Variants in RARA observed in about 807,000 individuals in gnomAD.
The protein encoded by RARA is PML-DDX5-RARA fusion.
Under a neutral mutation model 42.8 loss-of-function variants are expected in RARA, and 5 were observed. The ratio of observed to expected loss-of-function variants is 0.12; its 90% CI spans 0.06 to 0.25. The LOEUF is 0.25. Among genes scored for constraint, RARA ranks in the 10% least tolerant of loss-of-function variants. The pLI, the probability that RARA is intolerant of heterozygous loss-of-function variation, is 1.00. For synonymous variants in RARA, 256 were observed against 259.5 expected, an observed-to-expected ratio of 0.99 and a Z score of 0.13; for missense variants, 402 against 628.7, an observed-to-expected ratio of 0.64 and a Z score of 3.86.
In RARA at chr17:40,352,420, G is replaced by A. The variant is rs2143503324; in HGVS notation, c.720G>A (p.Val240=). The A allele has an allele frequency of 6.2e-7, 1 of 1,613,848 alleles. No homozygotes were observed. Among genetic ancestry groups the A allele is most frequent in the Non-Finnish European group, 8.5e-7 (1 of 1,179,860 alleles). ...CCACCAAGTGCATCATTAAGACTGT[G>A]GAGTTCGCCAAGCAGCTGCCCGGCT... ...ELSTKCIIKT[V]EFAKQLPGFT... Residue 240 remains valine (V), a synonymous_variant, in exon 6 of 9, where the codon GTG becomes GTA. Coordinates refer to ENST00000254066, the MANE Select transcript of RARA (RefSeq NM_000964.4). This position sits in a 1 kb window ranked among gnomAD's most constrained non-coding sequence, Gnocchi z 4.9.
chr17:40,341,860 C>G (rs2034060652), intron 2 of RARA: 1 of 1,023,294 alleles, frequency 9.8e-7, no homozygotes, highest in East Asian at 3.3e-5. Flanking sequence ...CGCCCCTCTT[C>G]CGTCCTTGTC....
intron 1 of RARA, among the ~76,000 whole-genome samples, chr17:40,316,750 G>T (rs997912622): frequency 1.3e-5 from 2 of 152,074 alleles, no homozygotes; most frequent in Non-Finnish European, 2.9e-5. Flanking sequence ...TCCACATCTG[G>T]GAGCCATTGG....
At chr17:40,333,142 C>T (rs1008648042) in intron 2 of RARA, among the ~76,000 whole-genome samples, 1 of 152,056 alleles carries the variant, frequency 6.6e-6, no homozygotes, top group Non-Finnish European at 1.5e-5. Context: ...TTCCGCCTTC[C>T]GGAATCAAGC....
chr17:40,319,278 C>A (rs2033301448), intron 1 of RARA, among the ~76,000 whole-genome samples: 1 of 152,108 alleles, frequency 6.6e-6, no homozygotes, highest in East Asian at 1.9e-4. Flanking sequence ...GACAGGCCTC[C>A]AGTGTGCTAG....
At chr17:40,339,490 C>G (rs982767607) in intron 2 of RARA, among the ~76,000 whole-genome samples, 5 of 152,188 alleles carry the variant, frequency 3.3e-5, no homozygotes, top group Admixed American at 6.5e-5. Flanking sequence ...CCCACTGCCC[C>G]AGGACACTGT....
At chr17:40,311,447 A>T (rs1394563455) in intron 1 of RARA, among the ~76,000 whole-genome samples, 2 of 152,072 alleles carry the variant, frequency 1.3e-5, no homozygotes, top group African/African-American at 4.8e-5. Context: ...TGTCAGTGTC[A>T]CTGACTCTGA....
Position 40,354,239 on chromosome 17 carries a change from G to A in RARA, c.808-63G>A, listed in dbSNP as rs2143519524. 1 of 1,515,058 alleles carries A rather than the reference G, an allele frequency of 6.6e-7. No individual in the cohort carries two copies. Among genetic ancestry groups the A allele is most frequent in the Non-Finnish European group, 9.1e-7 (1 of 1,101,310 alleles). The allele number at this position is 1,515,058 out of a possible 1,614,324, so 93.9% of individuals were successfully genotyped here. On this transcript the variant is annotated intron_variant, in intron 6 of 8. Coordinates refer to ENST00000254066, the MANE Select transcript of RARA (RefSeq NM_000964.4). The surrounding 1 kb of genome is among the most constrained non-coding windows in gnomAD (Gnocchi z 4.5). ...TCCGGGAGTGCTGGTGCGGAGTGCT[G>A]GTGCCGAGTGCTCAGAGTGGGTTCG...
intron 4 of RARA, chr17:40,350,212 G>A: frequency 4.9e-6 from 2 of 410,574 alleles, no homozygotes; most frequent in Non-Finnish European, 8.9e-6. Flanking sequence ...GTGTGTGTGT[G>A]CATGCTCCAG....
Position 40,320,400 on chromosome 17 carries a change from C to G in RARA, c.-362-10457C>G, listed in dbSNP as rs1364822395. On this transcript the variant is annotated intron_variant, in intron 1 of 8. Transcript: ENST00000254066. The surrounding 1 kb of genome is among the most constrained non-coding windows in gnomAD (Gnocchi z 4.1). ...GTGCCTCCCCCGCTGGGCACAGTCA[C>G]CCACACATGCCATGACGTGGTTCCT... Among the ~76,000 whole-genome samples, 2 of 152,184 alleles carry G rather than the reference C, an allele frequency of 1.3e-5. No individual in the cohort carries two copies. The highest frequency in any genetic ancestry group is 2.9e-5 in the Non-Finnish European group (2 of 68,026).
chr17:40,317,979 T>A (rs1357492433), intron 1 of RARA, among the ~76,000 whole-genome samples: 4 of 152,192 alleles, frequency 2.6e-5, no homozygotes, highest in African/African-American at 9.6e-5. Context: ...GCTATTTTCA[T>A]TCTTTCCGCA....
intron 1 of RARA, among the ~76,000 whole-genome samples, chr17:40,313,128 A>G (rs540526017): frequency 2.0e-5 from 3 of 152,268 alleles, no homozygotes; most frequent in Non-Finnish European, 4.4e-5. Context: ...GAGCTGCTGG[A>G]CAGGCTCCAG....
intron 2 of RARA, 128 bp from the exon 3 acceptor site, chr17:40,348,188 G>T: frequency 8.1e-7 from 1 of 1,239,390 alleles, no homozygotes; most frequent in South Asian, 1.7e-5. Context: ...GTTTTCTTAA[G>T]ACTTGAATCC....
In RARA at chr17:40,356,478, G is replaced by A. The variant is rs747078113; in HGVS notation, c.*252G>A. ...GGCCAGGAACTGAGTGAGGCCCCTG[G>A]TCCTGGGTCTCAGGATGGGTCCTGG... On this transcript the variant is annotated 3_prime_UTR_variant, in exon 9 of 9. Coordinates refer to ENST00000254066, the MANE Select transcript of RARA (RefSeq NM_000964.4). 4 of 691,952 alleles carry A rather than the reference G, an allele frequency of 5.8e-6. No individual in the cohort carries two copies. The highest frequency in any genetic ancestry group is 1.5e-5 in the South Asian group (1 of 66,642). The allele number at this position is 691,952 out of a possible 1,614,324, so 42.9% of individuals were successfully genotyped here.
At chr17:40,341,745 C>A in intron 2 of RARA, 4 of 1,291,906 alleles carry the variant, frequency 3.1e-6, no homozygotes, top group Non-Finnish European at 3.9e-6. Flanking sequence ...GGACCACCCC[C>A]CTCTTCCCCG....
rs1020773374 is a variant in RARA at position 40,345,270 on chromosome 17, G to T, written c.179-3046G>T. On this transcript the variant is annotated intron_variant, in intron 2 of 8. Coordinates refer to ENST00000254066, the MANE Select transcript of RARA (RefSeq NM_000964.4). The surrounding 1 kb of genome is among the most constrained non-coding windows in gnomAD (Gnocchi z 4.8). Reference sequence around the variant, plus strand: ...GCTAGGGGCCTTCTTCCGCTGCCGCGGTACACCCAGAGCTACCCCCGCCTC... The same window carrying T: ...GCTAGGGGCCTTCTTCCGCTGCCGCTGTACACCCAGAGCTACCCCCGCCTC... The T allele has an allele frequency of 6.6e-6, 1 of 152,594 alleles. No individual in the cohort carries two copies. Among genetic ancestry groups the T allele is most frequent in the Middle Eastern group, 3.1e-3 (1 of 318 alleles). The allele number at this position is 152,594 out of a possible 1,614,324, so 9.5% of individuals were successfully genotyped here.
chr17:40,355,965 G>A lies in RARA; in HGVS notation c.1172-44G>A. Reference sequence around the variant, plus strand: ...AGGCTTGCTGGGGCTGGGGGTGGGAGGGCTGGCCCAGCGTGCTGACCTCTG... The same window carrying A: ...AGGCTTGCTGGGGCTGGGGGTGGGAAGGCTGGCCCAGCGTGCTGACCTCTG... On this transcript the variant is annotated intron_variant, in intron 8 of 8. Coordinates refer to ENST00000254066, the MANE Select transcript of RARA (RefSeq NM_000964.4). This position sits in a 1 kb window ranked among gnomAD's most constrained non-coding sequence, Gnocchi z 4.1. 1 of 1,529,792 alleles carries A rather than the reference G, an allele frequency of 6.5e-7. No homozygotes were observed. Among genetic ancestry groups the A allele is most frequent in the Non-Finnish European group, 8.8e-7 (1 of 1,132,230 alleles). The allele number at this position is 1,529,792 out of a possible 1,614,324, so 94.8% of individuals were successfully genotyped here. A position where few individuals can be genotyped will look rare whatever the true frequency, so the allele number is the denominator to read the frequency against.
intron 2 of RARA, among the ~76,000 whole-genome samples, chr17:40,344,864 A>G (rs1013294252): frequency 1.3e-5 from 2 of 152,154 alleles, no homozygotes; most frequent in Non-Finnish European, 2.9e-5. Context: ...GACTCAGTCT[A>G]GAATATGTGG....
rs1334301834 is a variant in RARA at position 40,355,193 on chromosome 17, C to T, written c.1013-70C>T. 8 of 1,489,908 alleles carry T rather than the reference C, an allele frequency of 5.4e-6. No individual in the cohort carries two copies. Among genetic ancestry groups the T allele is most frequent in the Non-Finnish European group, 7.2e-6 (8 of 1,112,018 alleles). The allele number at this position is 1,489,908 out of a possible 1,614,324, so 92.3% of individuals were successfully genotyped here. A position where few individuals can be genotyped will look rare whatever the true frequency, so the allele number is the denominator to read the frequency against. ...CTCCTCCATGGCCTGGGCAGGCACG[C>T]CCCCCGGTGGCCGAGGCTGGGGGTG... On this transcript the variant is annotated intron_variant, in intron 7 of 8. Coordinates refer to ENST00000254066, the MANE Select transcript of RARA (RefSeq NM_000964.4). This position sits in a 1 kb window ranked among gnomAD's most constrained non-coding sequence, Gnocchi z 4.1.
At chr17:40,334,079 G>T (rs532845390) in intron 2 of RARA, among the ~76,000 whole-genome samples, 1 of 152,330 alleles carries the variant, frequency 6.6e-6, no homozygotes, top group African/African-American at 2.4e-5. Context: ...GGTTGGAGGT[G>T]GGGGCTGGGG....
Sources: gnomAD v4.1 joint callset for allele counts (sites outside exome capture counted in the v4.1 genomes callset) on GRCh38, gnomAD v4.1.1 for gene constraint, Gnocchi (gnomAD v3.1) non-coding constraint, MANE v1.5 for transcripts, NCBI Gene and HGNC (gene_info 2026-07-23, HGNC 2026-07-21) for gene names.